MTMR3: variants seen among roughly 807,000 people sequenced by gnomAD.
MTMR3 encodes phosphatidylinositol-3,5-bisphosphate 3-phosphatase MTMR3.
MTMR3 carries 32 observed loss-of-function variants against 132.4 expected under a neutral mutation model. The observed-to-expected ratio is 0.24, with a 90% CI of 0.18 to 0.32. The LOEUF (loss-of-function observed/expected upper bound fraction) is 0.32. MTMR3 is among the 10% of genes least tolerant of loss of function. The pLI is 1.00. For synonymous variants in MTMR3, 556 were observed against 550.3 expected, an observed-to-expected ratio of 1.01 and a Z score of -0.14; for missense variants, 1,216 against 1,489.6, an observed-to-expected ratio of 0.82 and a Z score of 3.02.
At chr22:29,994,388 A>C (rs2067019778) in intron 7 of MTMR3, 1 of 114,890 alleles carries the variant, frequency 8.7e-6, no homozygotes, top group South Asian at 3.1e-4. Flanking sequence ...AATTAAAAAC[A>C]AACCAAAAAA....
At chr22:29,920,666 A>T (rs2065392457) in intron 1 of MTMR3, among the ~76,000 whole-genome samples, 1 of 150,538 alleles carries the variant, frequency 6.6e-6, no homozygotes, top group Admixed American at 6.7e-5. Context: ...ACTATTATGG[A>T]TAAAGCTTTT....
chr22:29,985,946 T>TA (rs1323714055), intron 5 of MTMR3: 9 of 151,782 alleles, frequency 5.9e-5, no homozygotes, highest in Middle Eastern at 3.2e-3. Context: ...ATGTAAAACT[T>TA]ACCTGTTCTT....
chr22:29,934,818 T>A (rs2065716170), intron 1 of MTMR3, among the ~76,000 whole-genome samples: 2 of 152,224 alleles, frequency 1.3e-5, no homozygotes, highest in African/African-American at 2.4e-5. Context: ...CTATGAAGAT[T>A]GAATAAGATA....
intron 1 of MTMR3, among the ~76,000 whole-genome samples, chr22:29,886,533 A>G (rs2064680969): frequency 6.6e-6 from 1 of 152,178 alleles, no homozygotes; most frequent in African/African-American, 2.4e-5. Context: ...CAGTTTTCTC[A>G]TATATACAAT....
Position 30,026,834 on chromosome 22 carries a change from T to A in MTMR3, c.*1033T>A, listed in dbSNP as rs1257102130. On this transcript the variant is annotated 3_prime_UTR_variant, in exon 20 of 20. Transcript: ENST00000401950. ...ATCAGCCTTTAGAGTTACAAGCCCC[T>A]GGAAAAGGGAGCAGGTCCCATACAA... is the stretch of plus-strand genomic sequence containing the variant. The A allele has an allele frequency of 6.5e-6, 1 of 152,810 alleles. No individual in the cohort carries two copies. The highest frequency in any genetic ancestry group is 2.4e-5 in the African/African-American group (1 of 41,452). The allele number at this position is 152,810 out of a possible 1,614,324, so 9.5% of individuals were successfully genotyped here.
chr22:29,939,280 A>G (rs36596), intron 1 of MTMR3, among the ~76,000 whole-genome samples: 119,200 of 152,162 alleles, frequency 0.78, 47,128 homozygotes, highest in East Asian at 0.92. Context: ...GGTTCAAACT[A>G]TTTTTATTAT....
At chr22:29,960,647 A>G (rs1569025253) in intron 2 of MTMR3, among the ~76,000 whole-genome samples, 1 of 152,192 alleles carries the variant, frequency 6.6e-6, no homozygotes. Context: ...TATATGCATT[A>G]TATCTTAATT....
chr22:29,992,720 A>C (rs1444531224), intron 7 of MTMR3: 1 of 152,122 alleles, frequency 6.6e-6, no homozygotes, highest in Non-Finnish European at 1.5e-5. Context: ...CAATCTTATA[A>C]GTCTGCCCTG....
At chr22:29,939,424 GTTAATT>G (rs1211573265) in intron 1 of MTMR3, among the ~76,000 whole-genome samples, 2 of 152,128 alleles carry the variant, frequency 1.3e-5, no homozygotes, top group Non-Finnish European at 2.9e-5. Flanking sequence ...ATCCTGAGTT[GTTAATT>G]TTAAACTTTG....
chr22:29,919,382 T>C (rs1390291146), intron 1 of MTMR3, among the ~76,000 whole-genome samples: 1 of 152,224 alleles, frequency 6.6e-6, no homozygotes, highest in Admixed American at 6.5e-5. Context: ...TTTATGTGCA[T>C]TGAAAGCAAA....
chr22:29,955,083 G>A (rs903039052), intron 1 of MTMR3, among the ~76,000 whole-genome samples: 14 of 152,080 alleles, frequency 9.2e-5, no homozygotes, highest in Middle Eastern at 3.2e-3. Flanking sequence ...TTGACCTCCC[G>A]GGCCCAAGCC....
chr22:29,960,429 G>A (rs28428766), intron 2 of MTMR3, among the ~76,000 whole-genome samples: 24,418 of 152,148 alleles, frequency 0.16, 2,066 homozygotes, highest in South Asian at 0.24. Flanking sequence ...TTGTATGCAA[G>A]CCTCTTTTAA....
In MTMR3 at chr22:30,007,881, C is replaced by G; in HGVS notation, c.878-20C>G. ...GAGAGACAGGCTCATTTAGTATGCC[C>G]TCTCCCTCTGTGTCCCTAGATTCTT... On this transcript the variant is annotated intron_variant, in intron 10 of 19. Coordinates refer to ENST00000401950, the MANE Select transcript of MTMR3 (RefSeq NM_021090.4). The G allele has an allele frequency of 6.2e-7, 1 of 1,613,058 alleles. No homozygotes were observed. Among genetic ancestry groups the G allele is most frequent in the Non-Finnish European group, 8.5e-7 (1 of 1,179,502 alleles).
At chr22:29,885,361 A>G (rs1335684552) in intron 1 of MTMR3, among the ~76,000 whole-genome samples, 123 of 152,342 alleles carry the variant, frequency 8.1e-4, no homozygotes, top group African/African-American at 2.7e-3. Flanking sequence ...GAGAAGGGGA[A>G]GCATGAGAAA....
intron 1 of MTMR3, among the ~76,000 whole-genome samples, chr22:29,902,358 T>G (rs1208006658): frequency 6.6e-6 from 1 of 152,130 alleles, no homozygotes; most frequent in Non-Finnish European, 1.5e-5. Context: ...AATCATTGAC[T>G]TTTTTGTTCC....
intron 1 of MTMR3, among the ~76,000 whole-genome samples, chr22:29,895,207 C>T (rs2064871131): frequency 6.8e-6 from 1 of 147,510 alleles, no homozygotes; most frequent in African/African-American, 2.5e-5. Context: ...GACTCCATCT[C>T]AAAAAAAAAA....
rs559359393 is a variant in MTMR3, at chr22:29,947,052, T to C, written c.-137-9984T>C. Among the ~76,000 whole-genome samples the C allele has an allele frequency of 2.6e-5, 4 of 152,316 alleles. No homozygotes were observed. In the East Asian group the frequency reaches 5.8e-4, roughly 22 times the overall value. ...ATCATTAGAAAAGAAAAAGTGTAAG[T>C]TCTTTCCAAGGTTCTTATGTTTCCA... On this transcript the variant is annotated intron_variant, in intron 1 of 19. Transcript: ENST00000401950.
At chr22:29,924,247 A>G (rs1000508959) in intron 1 of MTMR3, among the ~76,000 whole-genome samples, 1 of 152,228 alleles carries the variant, frequency 6.6e-6, no homozygotes, top group African/African-American at 2.4e-5. Context: ...CATATAGTCT[A>G]AAATAAAGGT....
chr22:30,012,204 C>T lies in MTMR3; in HGVS notation c.1122-164C>T, dbSNP rs2067450104. Reference sequence around the variant, plus strand: ...CTATTGTATAGTAGGGCTTGGGCCTCATCCTGAGACATGCTTTATAAACAC... The same window carrying T: ...CTATTGTATAGTAGGGCTTGGGCCTTATCCTGAGACATGCTTTATAAACAC... On this transcript the variant is annotated intron_variant, in intron 12 of 19. Transcript: ENST00000401950. The T allele has an allele frequency of 4.4e-6, 3 of 681,832 alleles. No individual in the cohort carries two copies. The South Asian group carries it at 5.9e-5, about 13-fold the overall frequency. 42.2% of individuals were successfully genotyped at this position (681,832 alleles called of 1,614,324 possible). A position where few individuals can be genotyped will look rare whatever the true frequency, so the allele number is the denominator to read the frequency against.
Sources: allele counts gnomAD v4.1 joint callset (sites outside exome capture counted in the v4.1 genomes callset), GRCh38; gene constraint gnomAD v4.1.1; transcripts MANE v1.5; gene names NCBI Gene and HGNC (gene_info 2026-07-23, HGNC 2026-07-21).